Variants in MED12L observed in about 807,000 individuals in gnomAD.
MED12L encodes the protein mediator of RNA polymerase II transcription subunit 12-like protein.
MED12L carries 60 observed loss-of-function variants against 281.3 expected under a neutral mutation model. The observed-to-expected ratio is 0.21, with a 90% CI of 0.17 to 0.26. The LOEUF (loss-of-function observed/expected upper bound fraction) is 0.26. Among genes scored for constraint, MED12L ranks in the 10% least tolerant of loss-of-function variants. MED12L has a pLI of 1.00. For missense variants in MED12L, 2,146 were observed against 2,680.9 expected (o/e 0.80, Z 4.41); for synonymous variants, 974 against 987.2 (o/e 0.99, Z 0.25).
chr3:151,236,808 T>C (rs1732915394), intron 16 of MED12L, among the ~76,000 whole-genome samples: 1 of 152,232 alleles, frequency 6.6e-6, no homozygotes, highest in Non-Finnish European at 1.5e-5. Flanking sequence ...TAAGTATTGC[T>C]ATAATTAATT....
chr3:151,240,780 A>G (rs1197680797), intron 16 of MED12L, among the ~76,000 whole-genome samples: 1 of 152,232 alleles, frequency 6.6e-6, no homozygotes, highest in Non-Finnish European at 1.5e-5. Context: ...TTTATATATT[A>G]ATCATGGTTT....
chr3:151,375,597 G>A (rs1411152543), intron 27 of MED12L, among the ~76,000 whole-genome samples: 5 of 151,992 alleles, frequency 3.3e-5, no homozygotes, highest in Non-Finnish European at 5.9e-5. Flanking sequence ...AAGGAAGATC[G>A]TTTTCTAAAT....
intron 16 of MED12L, among the ~76,000 whole-genome samples, chr3:151,348,729 C>T (rs1289141442): frequency 6.6e-6 from 1 of 152,088 alleles, no homozygotes. Flanking sequence ...GCAAGTGTGT[C>T]CCTGAGAAAG....
At chr3:151,309,141 GCACACACACACA>G (rs1553775156) in intron 16 of MED12L, among the ~76,000 whole-genome samples, 6 of 147,602 alleles carry the variant, frequency 4.1e-5, no homozygotes. Flanking sequence ...ACACACACAC[GCACACACACACA>G]CACACAACGT....
chr3:151,329,066 A>G, intron 16 of MED12L: 1 of 1,296,844 alleles, frequency 7.7e-7, no homozygotes, highest in Non-Finnish European at 1.1e-6. Flanking sequence ...CATGATTTTC[A>G]AATGCTATTT....
chr3:151,167,807 A>G (rs1053602648), intron 11 of MED12L, among the ~76,000 whole-genome samples: 5 of 152,216 alleles, frequency 3.3e-5, no homozygotes, highest in African/African-American at 1.2e-4. Context: ...ACTTTCTTAG[A>G]TAAAAGACTT....
chr3:151,300,247 TA>T, intron 16 of MED12L: 1 of 701,238 alleles, frequency 1.4e-6, no homozygotes, highest in Non-Finnish European at 2.6e-6. Context: ...GAAGGAATTT[TA>T]AAATACAACA....
At chr3:151,242,846 G>T (rs1453691524) in intron 16 of MED12L, among the ~76,000 whole-genome samples, 2 of 149,330 alleles carry the variant, frequency 1.3e-5, no homozygotes, top group African/African-American at 4.9e-5. Context: ...CAAACCAAAG[G>T]CAAAGAAGTT....
At chr3:151,304,785 G>A (rs779634409) in intron 16 of MED12L, among the ~76,000 whole-genome samples, 4 of 152,116 alleles carry the variant, frequency 2.6e-5, no homozygotes, top group Non-Finnish European at 4.4e-5. Context: ...GGTTGACTGC[G>A]AGGTTAAAAT....
At chr3:151,123,038 C>G (rs1713994550) in intron 4 of MED12L, 64 bp downstream of exon 4, 1 of 1,319,548 alleles carries the variant, frequency 7.6e-7, no homozygotes, top group African/African-American at 1.5e-5. Flanking sequence ...GGATAATATT[C>G]AAGTATATAT....
chr3:151,136,848 G>A (rs1209896965), intron 5 of MED12L, among the ~76,000 whole-genome samples: 1 of 152,098 alleles, frequency 6.6e-6, no homozygotes, highest in Non-Finnish European at 1.5e-5. Context: ...GGTGAAAAAT[G>A]TTTCTCTATT....
At chr3:151,246,012 C>G (rs1369631417) in intron 16 of MED12L, among the ~76,000 whole-genome samples, 21 of 150,786 alleles carry the variant, frequency 1.4e-4, no homozygotes, top group African/African-American at 3.9e-4. Flanking sequence ...AGTGAACTCC[C>G]ATTCACAATT....
At chr3:151,250,534 T>G (rs1736645262) in intron 16 of MED12L, among the ~76,000 whole-genome samples, 2 of 152,330 alleles carry the variant, frequency 1.3e-5, no homozygotes, top group Middle Eastern at 6.8e-3. Flanking sequence ...GTATTTGTCC[T>G]TTTTTGACTG....
chr3:151,158,204 G>T (rs1398981178), intron 6 of MED12L, among the ~76,000 whole-genome samples: 1 of 152,114 alleles, frequency 6.6e-6, no homozygotes, highest in Non-Finnish European at 1.5e-5. Flanking sequence ...TGATTTTTAA[G>T]GTTGTATTTT....
Position 151,368,188 on chromosome 3 carries a change from A to G in MED12L, c.3487A>G (p.Thr1163Ala). Residue 1163 changes from threonine (T) to alanine (A), a missense_variant, in exon 25 of 45, where the codon ACA (threonine) becomes GCA (alanine). Thr to Ala is a moderately conservative substitution (Grantham distance 58). Coordinates refer to ENST00000687756, the MANE Select transcript of MED12L (RefSeq NM_001393769.1). Reference sequence around the variant, plus strand: ...GGACGCCGAGCCTGGGGCGAGAATGACATGCCGACTCTTGCTTCATCTCTT... The same window carrying G: ...GGACGCCGAGCCTGGGGCGAGAATGGCATGCCGACTCTTGCTTCATCTCTT... Reference protein sequence around the residue: ...DADAEPGARMTCRLLLHLFRA... With the variant: ...DADAEPGARMACRLLLHLFRA... 6.2e-7 allele frequency: 1 copy of G among 1,614,072 alleles called. No individual in the cohort carries two copies. Among genetic ancestry groups the G allele is most frequent in the East Asian group, 2.2e-5 (1 of 44,882 alleles).
chr3:151,115,031 A>G (rs1362009384), intron 2 of MED12L, among the ~76,000 whole-genome samples: 1 of 152,214 alleles, frequency 6.6e-6, no homozygotes. Flanking sequence ...TCTCATCTGT[A>G]CAACGGGCAT....
At chr3:151,383,710 AAC>A in intron 33 of MED12L, 67 bp from the exon 34 acceptor site, 1 of 941,020 alleles carries the variant, frequency 1.1e-6, no homozygotes. Context: ...AAAATTTGAT[AAC>A]ATAAAGCAAT....
chr3:151,116,166 G>GTGTT (rs1295554851), intron 2 of MED12L, among the ~76,000 whole-genome samples, 172 bp from the exon 3 acceptor site: 1 of 151,184 alleles, frequency 6.6e-6, no homozygotes, highest in African/African-American at 2.4e-5. Context: ...ACACATTTAT[G>GTGTT]TGTTTATGTA....
chr3:151,405,091 T>C (rs1030758316), intron 39 of MED12L, among the ~76,000 whole-genome samples: 1 of 152,234 alleles, frequency 6.6e-6, no homozygotes, highest in Admixed American at 6.5e-5. Flanking sequence ...AATACAGCAG[T>C]AAGAGAGAGA....
Sources: gnomAD v4.1 joint callset for allele counts (sites outside exome capture counted in the v4.1 genomes callset) on GRCh38, gnomAD v4.1.1 for gene constraint, MANE v1.5 for transcripts, NCBI Gene and HGNC (gene_info 2026-07-23, HGNC 2026-07-21) for gene names.